UNC79: variants seen among roughly 807,000 people sequenced by gnomAD.
UNC79 encodes the protein unc-79 subunit of NALCN channel complex.
Under a neutral mutation model 283.1 loss-of-function variants are expected in UNC79, and 37 were observed. The ratio of observed to expected loss-of-function variants is 0.13; its 90% CI spans 0.10 to 0.17. The LOEUF (loss-of-function observed/expected upper bound fraction) is 0.17. Among genes scored for constraint, UNC79 ranks in the 10% least tolerant of loss-of-function variants. The pLI is 1.00. For synonymous variants in UNC79, 1,107 were observed against 1,200.2 expected (o/e 0.92, Z 1.61); for missense variants, 2,272 against 3,211.1 (o/e 0.71, Z 7.07).
chr14:93,670,902 G>C (rs941186988), intron 40 of UNC79, among the ~76,000 whole-genome samples: 11 of 152,162 alleles, frequency 7.2e-5, no homozygotes, highest in African/African-American at 2.4e-4. Flanking sequence ...TCAGATACAG[G>C]ATCAAAGACC....
intron 27 of UNC79, among the ~76,000 whole-genome samples, chr14:93,616,839 T>C (rs1034485345): frequency 1.3e-5 from 2 of 152,236 alleles, no homozygotes; most frequent in African/African-American, 4.8e-5. Flanking sequence ...AGTTTAACTC[T>C]GGTTAATAGT....
At chr14:93,543,939 A>C (rs139396184) in intron 14 of UNC79, among the ~76,000 whole-genome samples, 104 of 152,284 alleles carry the variant, frequency 6.8e-4, no homozygotes, top group Non-Finnish European at 1.3e-3. Flanking sequence ...CTGTGCATTT[A>C]TGGAGATGTA....
chr14:93,541,004 C>G (rs2141183077), intron 13 of UNC79, among the ~76,000 whole-genome samples, 173 bp downstream of exon 13: 1 of 152,268 alleles, frequency 6.6e-6, no homozygotes, highest in East Asian at 1.9e-4. Flanking sequence ...TTAGATTTAG[C>G]TAGGAAAGCT....
rs952498153 is a variant in UNC79, at chr14:93,418,804, G to A, written c.-350-48867G>A. On this transcript the variant is annotated intron_variant, in intron 1 of 49. Coordinates refer to the UNC79 transcript ENST00000256339. The stretch of plus-strand genomic sequence containing the variant: ...CTGTGCTAGCAATCAGTGAGACTCC[G>A]TGGGCGTAGGATCCTCCAAGCCAGG... 7.3e-5 allele frequency among the ~76,000 whole-genome samples: 11 copies of A among 151,574 alleles called. 1 individual carries two copies. The South Asian group carries it at 8.5e-4, about 12-fold the overall frequency.
exon 14 of UNC79, chr14:93,542,588 G>C (rs2061427331): frequency 6.2e-7 from 1 of 1,614,178 alleles, no homozygotes. Context: ...GAAGTCTGGT[G>C]GAAAAGCTGA....
At chr14:93,683,738 C>T (rs1483168542) in intron 42 of UNC79, among the ~76,000 whole-genome samples, 1 of 151,594 alleles carries the variant, frequency 6.6e-6, no homozygotes, top group East Asian at 1.9e-4. Context: ...AAAAATAAAC[C>T]TTTTACTCTG....
In UNC79 at chr14:93,614,827, C is replaced by G. The variant is rs974902169; in HGVS notation, c.4041+1744C>G. Among the ~76,000 whole-genome samples, 48 of 152,134 alleles carry G rather than the reference C, an allele frequency of 3.2e-4. 1 individual carries two copies. The highest frequency in any genetic ancestry group is 1.2e-4 in the Non-Finnish European group (8 of 68,024). On this transcript the variant is annotated intron_variant, in intron 27 of 48. Coordinates refer to ENST00000555664, the Ensembl canonical transcript of UNC79. ...ACTCATCCATTCCCCTAGTTATGGA[C>G]TCATATTGCTCCCAATGCCTCACTA...
chr14:93,382,946 C>T (rs2054694702), intron 1 of UNC79, among the ~76,000 whole-genome samples: 1 of 152,084 alleles, frequency 6.6e-6, no homozygotes, highest in African/African-American at 2.4e-5. Context: ...TGTCTAATCT[C>T]CCAGTTTTAT....
At chr14:93,390,537 G>T (rs1330162489) in intron 1 of UNC79, among the ~76,000 whole-genome samples, 2 of 152,104 alleles carry the variant, frequency 1.3e-5, no homozygotes, top group African/African-American at 2.4e-5. Context: ...CTATTTGCTG[G>T]TAACTTGATT....
At chr14:93,440,403 T>C (rs2056252491) in intron 1 of UNC79, among the ~76,000 whole-genome samples, 1 of 152,136 alleles carries the variant, frequency 6.6e-6, no homozygotes, top group Non-Finnish European at 1.5e-5. Flanking sequence ...TTTTTATTTA[T>C]TTATTACTTC....
In UNC79 at chr14:93,467,651, T is replaced by TG; in HGVS notation, c.23-20_23-19insG. 3 of 1,064,854 alleles carry TG rather than the reference T, an allele frequency of 2.8e-6. No individual in the cohort carries two copies. Among genetic ancestry groups the TG allele is most frequent in the Non-Finnish European group, 3.4e-6 (3 of 883,204 alleles). The allele number at this position is 1,064,854 out of a possible 1,614,324, so 66.0% of individuals were successfully genotyped here. A position where few individuals can be genotyped will look rare whatever the true frequency, so the allele number is the denominator to read the frequency against. On this transcript the variant is annotated intron_variant, in intron 1 of 48. Transcript: ENST00000555664. ...TCCTTTTTTTTTTTTTTTTTTTTTT[T>TG]TTTTTTTGCTTTTATCTAGTTGCTT... is the stretch of plus-strand genomic sequence containing the variant.
chr14:93,683,255 T>G (rs568648720), intron 42 of UNC79, among the ~76,000 whole-genome samples: 3 of 152,202 alleles, frequency 2.0e-5, no homozygotes, highest in Middle Eastern at 3.2e-3. Context: ...GTATCCTGAT[T>G]AGTAGGGAAA....
chr14:93,359,468 A>G (rs148247348), intron 1 of UNC79, among the ~76,000 whole-genome samples: 1 of 152,178 alleles, frequency 6.6e-6, no homozygotes, highest in African/African-American at 2.4e-5. Flanking sequence ...ACAGAATTTA[A>G]ATAAAATGGG....
intron 1 of UNC79, among the ~76,000 whole-genome samples, chr14:93,408,466 GA>G: frequency 6.6e-6 from 1 of 152,268 alleles, no homozygotes; most frequent in East Asian, 1.9e-4. Flanking sequence ...GCCACGGTGG[GA>G]AGCTCACCTG....
intron 47 of UNC79, among the ~76,000 whole-genome samples, chr14:93,695,901 A>AAAAAAAAAAAAAAAAAAAAAAAAAAAAC (rs2075078347): frequency 6.7e-6 from 1 of 148,414 alleles, no homozygotes; most frequent in African/African-American, 2.5e-5. Context: ...AAAAAAAAAA[A>AAAAAAAAAAAAAAAAAAAAAAAAAAAAC]AAAAAAAAAG....
intron 1 of UNC79, among the ~76,000 whole-genome samples, chr14:93,441,105 T>C (rs1436569011): frequency 1.3e-5 from 2 of 152,126 alleles, no homozygotes; most frequent in South Asian, 2.1e-4. Flanking sequence ...ATCGAAGTTA[T>C]TACTGTGTTA....
At chr14:93,563,762 G>C (rs2062707510) in intron 14 of UNC79, among the ~76,000 whole-genome samples, 2 of 152,172 alleles carry the variant, frequency 1.3e-5, no homozygotes, top group South Asian at 4.1e-4. Flanking sequence ...ATAGTCATGG[G>C]GGTCAGGTGT....
At chr14:93,591,205 C>T (rs749952307) in intron 22 of UNC79, among the ~76,000 whole-genome samples, 199 of 152,266 alleles carry the variant, frequency 1.3e-3, no homozygotes, top group Non-Finnish European at 2.5e-3. Flanking sequence ...TGGAGTGGCT[C>T]GTACCTCCAT....
intron 14 of UNC79, among the ~76,000 whole-genome samples, chr14:93,568,510 C>T (rs971649332): frequency 6.6e-6 from 1 of 151,932 alleles, no homozygotes; most frequent in African/African-American, 2.4e-5. Flanking sequence ...CCCATCTGTA[C>T]TAAAAATACA....
Sources: gnomAD v4.1 joint callset for allele counts (sites outside exome capture counted in the v4.1 genomes callset) on GRCh38, gnomAD v4.1.1 for gene constraint, MANE v1.5 for transcripts, NCBI Gene and HGNC (gene_info 2026-07-23, HGNC 2026-07-21) for gene names.